KLRF1: variants seen among roughly 807,000 people sequenced by gnomAD.
KLRF1 encodes the protein killer cell lectin like receptor F1, also known as killer cell lectin-like receptor subfamily F member 1.
KLRF1 carries 27 observed loss-of-function variants against 30.7 expected under a neutral mutation model. The observed-to-expected ratio is 0.88, with a 90% CI of 0.65 to 1.21. The LOEUF is 1.21. KLRF1 is among the 50% of genes most tolerant of loss of function. The probability of loss-of-function intolerance (pLI) is 0.00; values close to 1 mark genes in which losing one functional copy is unlikely to be tolerated. For synonymous variants in KLRF1, 92 were observed against 89.3 expected (o/e 1.03, Z -0.17); for missense variants, 246 against 259.3 (o/e 0.95, Z 0.35).
intron 3 of KLRF1, among the ~76,000 whole-genome samples, chr12:9,840,419 G>A (rs1867674877): frequency 6.6e-6 from 1 of 151,882 alleles, no homozygotes; most frequent in Non-Finnish European, 1.5e-5. Context: ...AGTTAAAATA[G>A]TTATATTGGC....
chr12:9,806,602 T>C, the KLRF1 span, among the ~76,000 whole-genome samples: 152,200 of 152,212 alleles, frequency 1, 76,094 homozygotes, highest in Middle Eastern at 1. Flanking sequence ...AATCCATTTC[T>C]GTTTACTAGA....
At chr12:9,825,931 T>A (rs79649501), upstream of KLRF1, among the ~76,000 whole-genome samples, 1 of 152,270 alleles carries the variant, frequency 6.6e-6, no homozygotes, top group African/African-American at 2.4e-5. Context: ...GAGTGTCAAA[T>A]AATGGCCAAA....
At chr12:9,815,345 A>G in the KLRF1 span, among the ~76,000 whole-genome samples, 12 of 152,322 alleles carry the variant, frequency 7.9e-5, no homozygotes, top group Admixed American at 7.2e-4. Context: ...TCAACATGCT[A>G]TGGTTTGATT....
chr12:9,809,022 A>G, the KLRF1 span, among the ~76,000 whole-genome samples: 1 of 152,172 alleles, frequency 6.6e-6, no homozygotes, highest in Non-Finnish European at 1.5e-5. Flanking sequence ...AATATATTCA[A>G]TGTATAGATG....
At chr12:9,820,036 C>T in the KLRF1 span, among the ~76,000 whole-genome samples, 1 of 152,114 alleles carries the variant, frequency 6.6e-6, no homozygotes, top group African/African-American at 2.4e-5. Flanking sequence ...CTCAACACAG[C>T]ACAGCTGCTT....
chr12:9,816,001 A>G, the KLRF1 span, among the ~76,000 whole-genome samples: 1 of 152,158 alleles, frequency 6.6e-6, no homozygotes, highest in Non-Finnish European at 1.5e-5. Context: ...TATTTTTAGT[A>G]GAGATGGGGT....
chr12:9,806,992 GT>G, the KLRF1 span, among the ~76,000 whole-genome samples: 2 of 151,872 alleles, frequency 1.3e-5, no homozygotes, highest in African/African-American at 2.4e-5. Context: ...TATGTCTTCT[GT>G]TTTCTATTTA....
chr12:9,818,534 G>A, the KLRF1 span, among the ~76,000 whole-genome samples: 1 of 152,168 alleles, frequency 6.6e-6, no homozygotes, highest in Non-Finnish European at 1.5e-5. Context: ...GTTAGTAGAA[G>A]CACTGTAGGC....
chr12:9,840,742 G>A (rs780435257), intron 3 of KLRF1, among the ~76,000 whole-genome samples: 3 of 152,048 alleles, frequency 2.0e-5, no homozygotes, highest in Admixed American at 2.0e-4. Flanking sequence ...TGATGTTAAC[G>A]ACGATGAGGT....
chr12:9,815,659 G>A, the KLRF1 span, among the ~76,000 whole-genome samples: 6 of 152,144 alleles, frequency 3.9e-5, no homozygotes, highest in African/African-American at 1.4e-4. Context: ...TTCTTGGGTT[G>A]GCCTAGCATT....
chr12:9,827,726 G>T (rs1217564598), intron 1 of KLRF1, 97 bp downstream of exon 1: 5 of 622,316 alleles, frequency 8.0e-6, no homozygotes, highest in Non-Finnish European at 1.4e-5. Flanking sequence ...TCAGTATTTG[G>T]GTGCTTTTCT....
chr12:9,842,235 T>C (rs1867718541), intron 4 of KLRF1, 86 bp from the exon 5 acceptor site: 13 of 1,418,718 alleles, frequency 9.2e-6, no homozygotes, highest in African/African-American at 1.4e-5. Flanking sequence ...CTATGCAGAG[T>C]GCTTTTTTGC....
chr12:9,804,977 A>G, the KLRF1 span, among the ~76,000 whole-genome samples: 1 of 151,980 alleles, frequency 6.6e-6, no homozygotes, highest in African/African-American at 2.4e-5. Context: ...CTATTTGATC[A>G]TTGTGTAATA....
chr12:9,813,288 A>C, the KLRF1 span, among the ~76,000 whole-genome samples: 1 of 151,992 alleles, frequency 6.6e-6, no homozygotes, highest in Non-Finnish European at 1.5e-5. Flanking sequence ...TTCCTTCCTA[A>C]AAACCTTGTA....
the KLRF1 span, among the ~76,000 whole-genome samples, chr12:9,808,240 C>G: frequency 6.6e-6 from 1 of 152,064 alleles, no homozygotes; most frequent in Non-Finnish European, 1.5e-5. Flanking sequence ...TGGGATAGTT[C>G]CAGTACCATA....
chr12:9,817,490 T>C, the KLRF1 span: 1 of 419,710 alleles, frequency 2.4e-6, no homozygotes, highest in Non-Finnish European at 4.6e-6. Flanking sequence ...TCGCTTGAGA[T>C]TTTTTTCCAG....
chr12:9,842,085 T>A (rs1867715793), intron 4 of KLRF1, 134 bp downstream of exon 4: 1 of 1,022,250 alleles, frequency 9.8e-7, no homozygotes, highest in African/African-American at 1.6e-5. Context: ...AATTTTGTAT[T>A]CCAAGTGAGT....
At chr12:9,804,908 G>GTA in the KLRF1 span, among the ~76,000 whole-genome samples, 4 of 151,800 alleles carry the variant, frequency 2.6e-5, no homozygotes, top group Non-Finnish European at 4.4e-5. Flanking sequence ...TATTGATATG[G>GTA]TATATTAAAT....
chr12:9,822,553 G>T (rs1299508444), upstream of KLRF1, among the ~76,000 whole-genome samples: 1 of 152,192 alleles, frequency 6.6e-6, no homozygotes, highest in African/African-American at 2.4e-5. Flanking sequence ...TGAAAGGGAT[G>T]GGGAGATACA....
Sources: allele counts gnomAD v4.1 joint callset (sites outside exome capture counted in the v4.1 genomes callset), GRCh38; gene constraint gnomAD v4.1.1; transcripts MANE v1.5; gene names NCBI Gene and HGNC (gene_info 2026-07-23, HGNC 2026-07-21).